Variants in ATP8B4 observed in about 807,000 individuals in gnomAD.
The protein encoded by ATP8B4 is ATPase phospholipid transporting 8B4 (putative).
Under a neutral mutation model 145.6 loss-of-function variants are expected in ATP8B4, and 133 were observed. The ratio of observed to expected loss-of-function variants is 0.91; its 90% CI spans 0.79 to 1.05. ATP8B4 has a LOEUF of 1.05. Among genes scored for constraint, ATP8B4 ranks in the 50% least tolerant of loss-of-function variants. ATP8B4 has a pLI of 0.00. For missense variants in ATP8B4, 1,458 were observed against 1,425.2 expected (o/e 1.02, Z -0.37); for synonymous variants, 507 against 492.9 (o/e 1.03, Z -0.38).
intron 1 of ATP8B4, among the ~76,000 whole-genome samples, chr15:50,137,853 G>C (rs182947648): frequency 1.1e-3 from 171 of 152,242 alleles, no homozygotes; most frequent in African/African-American, 4.0e-3. Flanking sequence ...CCAGGACCCA[G>C]GTCTCCTGAC....
At chr15:49,962,711 T>C (rs2153509643) in intron 13 of ATP8B4, among the ~76,000 whole-genome samples, 1 of 152,314 alleles carries the variant, frequency 6.6e-6, no homozygotes, top group South Asian at 2.1e-4. Flanking sequence ...TTCACCATAT[T>C]GTTCATAATC....
At chr15:50,097,484 T>C (rs1262114010) in intron 2 of ATP8B4, among the ~76,000 whole-genome samples, 1 of 152,250 alleles carries the variant, frequency 6.6e-6, no homozygotes, top group Admixed American at 6.5e-5. Flanking sequence ...ACAGATGTGA[T>C]AATGAAACAT....
chr15:49,920,417 G>C lies in ATP8B4; in HGVS notation c.1759-7C>G, dbSNP rs760411897. On this transcript the variant is annotated splice_region_variant and splice_polypyrimidine_tract_variant and intron_variant, in intron 17 of 27. Transcript: ENST00000284509. ...GGCCTTCCCCTGCAAATTCCTGCCA[G>C]AGATGACATAGACTCATGAACCATC... 1.9e-6 allele frequency: 3 copies of C among 1,611,394 alleles called. No homozygotes were observed. The South Asian group carries it at 3.3e-5, about 18-fold the overall frequency.
At chr15:49,935,459 A>G (rs1165554727) in intron 14 of ATP8B4, among the ~76,000 whole-genome samples, 1 of 152,100 alleles carries the variant, frequency 6.6e-6, no homozygotes, top group Admixed American at 6.6e-5. Flanking sequence ...CTGCCCCCTT[A>G]CTAATATAAT....
intron 2 of ATP8B4, among the ~76,000 whole-genome samples, chr15:50,097,877 TG>T (rs1371967377): frequency 6.6e-6 from 1 of 152,244 alleles, no homozygotes; most frequent in Admixed American, 6.5e-5. Context: ...TTATAATTTA[TG>T]AGTTACTTCA....
At chr15:49,873,443 C>T (rs879111816) in intron 25 of ATP8B4, among the ~76,000 whole-genome samples, 12 of 152,018 alleles carry the variant, frequency 7.9e-5, no homozygotes, top group Admixed American at 7.9e-4. Flanking sequence ...ATACTACAGC[C>T]ATTAAAAGGG....
At chr15:49,971,146 A>T in intron 13 of ATP8B4, among the ~76,000 whole-genome samples, 1 of 152,150 alleles carries the variant, frequency 6.6e-6, no homozygotes, top group Non-Finnish European at 1.5e-5. Context: ...AGTTAAACAT[A>T]AGACCTAAAA....
rs1470969000 is a variant in ATP8B4, at chr15:49,920,368, T to C, written c.1801A>G (p.Arg601Gly). Reference sequence around the variant, plus strand: ...TTAAAGTACTTGTCATCCAGGTCTCTGTATGCGATGGCCAAGGTCCGAAGG... The same window carrying C: ...TTAAAGTACTTGTCATCCAGGTCTCCGTATGCGATGGCCAAGGTCCGAAGG... ...EGLRTLAIAY[R>G]DLDDKYFKEW... The change falls in exon 18 of 28, where the codon AGA becomes GGA. Residue 601 changes from arginine (R) to glycine (G), a missense_variant. Coordinates refer to ENST00000284509, the MANE Select transcript of ATP8B4 (RefSeq NM_024837.4). 6.2e-7 allele frequency: 1 copy of C among 1,614,216 alleles called. No individual in the cohort carries two copies.
intron 2 of ATP8B4, among the ~76,000 whole-genome samples, chr15:50,086,172 T>C (rs1183847528): frequency 1.3e-4 from 15 of 111,788 alleles, no homozygotes; most frequent in African/African-American, 5.3e-4. Context: ...TAAAATAATA[T>C]AGAGATCTAT....
In ATP8B4 at chr15:49,898,088, T is replaced by C. The variant is rs773789627; in HGVS notation, c.2453A>G (p.Asn818Ser). 1.2e-5 allele frequency: 19 copies of C among 1,613,720 alleles called. No individual in the cohort carries two copies. The African/African-American group carries it at 2.1e-4, about 18-fold the overall frequency. Residue 818 changes from asparagine to serine, a missense_variant, in exon 22 of 28, where the codon AAT (asparagine) becomes AGT (serine). Transcript: ENST00000284509. ...AVTLAIGDGA[N>S]DVSMIKSAHI... is the part of the protein sequence containing the mutation. The stretch of plus-strand genomic sequence containing the variant: ...CTTACTTTTAATCATGCTGACATCA[T>C]TGGCTCCATCACCAATGGCCAAAGT...
intron 2 of ATP8B4, among the ~76,000 whole-genome samples, chr15:50,077,955 C>G (rs193286034): frequency 1.3e-5 from 2 of 152,076 alleles, no homozygotes; most frequent in East Asian, 3.9e-4. Context: ...AAAGGAGAGG[C>G]CTGGCAGAGA....
At chr15:50,087,348 C>CTA (rs59176190) in intron 2 of ATP8B4, among the ~76,000 whole-genome samples, 108,193 of 133,798 alleles carry the variant, frequency 0.81, 43,348 homozygotes, top group East Asian at 0.95. Flanking sequence ...TAATATAGAT[C>CTA]TATATATTAT....
At chr15:49,983,166 A>G (rs922007297) in intron 10 of ATP8B4, among the ~76,000 whole-genome samples, 5 of 152,160 alleles carry the variant, frequency 3.3e-5, no homozygotes, top group Non-Finnish European at 7.4e-5. Context: ...AATAATATAG[A>G]CAAGATGTGT....
At chr15:49,911,541 G>A (rs2039228762) in intron 20 of ATP8B4, among the ~76,000 whole-genome samples, 1 of 151,956 alleles carries the variant, frequency 6.6e-6, no homozygotes, top group African/African-American at 2.4e-5. Context: ...ATATAAAGCA[G>A]ATATCATTAG....
In ATP8B4 at chr15:50,044,626, T is replaced by C. The variant is rs201187223; in HGVS notation, c.268A>G (p.Met90Val). The C allele has an allele frequency of 8.7e-5, 141 of 1,613,074 alleles. No homozygotes were observed. Among genetic ancestry groups the C allele is most frequent in the South Asian group, 5.6e-4 (51 of 90,904 alleles). ...TIVPLVLVIT[M>V]TAVKDATDDY... is the part of the protein sequence containing the mutation. Reference sequence around the variant, plus strand: ...TCTGTGGCATCTTTGACAGCTGTCATAGTTATCACCAGGACCAAAGGCACA... The same window carrying C: ...TCTGTGGCATCTTTGACAGCTGTCACAGTTATCACCAGGACCAAAGGCACA... Residue 90 changes from methionine (M) to valine (V), a missense_variant, in exon 5 of 28, where the codon ATG becomes GTG. Met to Val is a conservative substitution (Grantham distance 21). Transcript: ENST00000284509.
intron 6 of ATP8B4, among the ~76,000 whole-genome samples, chr15:50,027,777 G>A (rs573758159): frequency 6.6e-6 from 1 of 152,160 alleles, no homozygotes; most frequent in Non-Finnish European, 1.5e-5. Flanking sequence ...CTCACTTAAC[G>A]TCGTGGATAG....
Position 49,879,361 on chromosome 15 carries a change from G to A in ATP8B4, c.2781+15C>T. The stretch of plus-strand genomic sequence containing the variant: ...AAAAGAGAAACTAAGTTATAAAGAT[G>A]GAAAAAAAACATACCTGGTCAAAAA... On this transcript the variant is annotated intron_variant, in intron 24 of 27. Transcript: ENST00000284509. 1 of 1,592,946 alleles carries A rather than the reference G, an allele frequency of 6.3e-7. No individual in the cohort carries two copies. The highest frequency in any genetic ancestry group is 8.6e-7 in the Non-Finnish European group (1 of 1,166,590).
chr15:50,113,838 C>CAAA (rs67648465), intron 1 of ATP8B4, among the ~76,000 whole-genome samples: 2 of 67,270 alleles, frequency 3.0e-5, no homozygotes, highest in African/African-American at 1.3e-4. Flanking sequence ...AACTCCATCT[C>CAAA]AAAAAAAAAA....
At chr15:49,898,300 AG>A in intron 21 of ATP8B4, 49 bp from the exon 22 acceptor site, 1 of 1,543,066 alleles carries the variant, frequency 6.5e-7, no homozygotes, top group Non-Finnish European at 8.9e-7. Context: ...ACAATAAATG[AG>A]GGTTGAGAAA....
Sources: gnomAD v4.1 joint callset for allele counts (sites outside exome capture counted in the v4.1 genomes callset) on GRCh38, gnomAD v4.1.1 for gene constraint, MANE v1.5 for transcripts, NCBI Gene and HGNC (gene_info 2026-07-23, HGNC 2026-07-21) for gene names.